Variants in FBXO34 observed in about 807,000 individuals in gnomAD.
FBXO34 encodes the protein F-box only protein 34.
In FBXO34, 12 loss-of-function variants were observed where a neutral mutation model predicts 24.5. The observed-to-expected ratio is 0.49, with a 90% CI of 0.31 to 0.79. The LOEUF (loss-of-function observed/expected upper bound fraction) is 0.79. Among genes scored for constraint, FBXO34 ranks in the 30% least tolerant of loss-of-function variants. The pLI, the probability that FBXO34 is intolerant of heterozygous loss-of-function variation, is 0.04. For synonymous variants in FBXO34, 320 were observed against 311.9 expected (o/e 1.03, Z -0.27); for missense variants, 823 against 857.7 (o/e 0.96, Z 0.51).
chr14:55,428,672 A>G, the FBXO34 span: 2 of 941,616 alleles, frequency 2.1e-6, no homozygotes, highest in Non-Finnish European at 3.1e-6. Flanking sequence ...ATAGCATCTT[A>G]ATCTTTTCAC....
At chr14:55,356,738 G>A (rs1464068099), downstream of FBXO34, among the ~76,000 whole-genome samples, 7 of 152,082 alleles carry the variant, frequency 4.6e-5, no homozygotes, top group East Asian at 3.9e-4. Flanking sequence ...GATTACAGGC[G>A]TGAGCCACCG....
Position 55,350,449 on chromosome 14 carries a change from G to A in FBXO34, c.59G>A (p.Arg20Lys). 6.2e-7 allele frequency: 1 copy of A among 1,610,472 alleles called. No individual in the cohort carries two copies. ...AAAGAGCACCCCCCGGAAGTCAGCA[G>A]GGAAACGCAGAGAACTCCTATGAAC... ...QKKEHPPEVSRETQRTPMNHQ... is the reference protein window; with the variant it reads ...QKKEHPPEVSKETQRTPMNHQ... The change falls in exon 2 of 2, where the codon AGG (arginine) becomes AAG (lysine). Residue 20 changes from arginine to lysine, a missense_variant. Physicochemically the swap from Arg to Lys is conservative, Grantham distance 26. This residue lies in a region of FBXO34 where 693 missense variants were observed against 659.1 expected (regional missense o/e 1.05). Coordinates refer to ENST00000313833, the MANE Select transcript of FBXO34 (RefSeq NM_017943.4).
At chr14:55,399,042 A>T in the FBXO34 span, among the ~76,000 whole-genome samples, 4 of 152,196 alleles carry the variant, frequency 2.6e-5, no homozygotes, top group Non-Finnish European at 4.4e-5. Flanking sequence ...CAGACCTAAA[A>T]ATATTCTGGA....
intron 1 of FBXO34, among the ~76,000 whole-genome samples, chr14:55,321,374 A>G (rs1282596300): frequency 1.3e-5 from 2 of 151,918 alleles, no homozygotes; most frequent in Non-Finnish European, 2.9e-5. Flanking sequence ...CAAAGTAGTT[A>G]CATATGACCT....
the FBXO34 span, chr14:55,428,893 A>C: frequency 3.1e-6 from 5 of 1,614,220 alleles, no homozygotes; most frequent in Non-Finnish European, 4.2e-6. Context: ...TCTGAATTTT[A>C]AAATCGAGGA....
the FBXO34 span, among the ~76,000 whole-genome samples, chr14:55,410,135 G>T: frequency 1.3e-5 from 2 of 152,286 alleles, no homozygotes; most frequent in Non-Finnish European, 2.9e-5. Flanking sequence ...GGGTTGGGAT[G>T]AGCATGGGAA....
intron 1 of FBXO34, among the ~76,000 whole-genome samples, chr14:55,288,148 T>A (rs1382503212): frequency 6.6e-6 from 1 of 152,228 alleles, no homozygotes; most frequent in Non-Finnish European, 1.5e-5. Flanking sequence ...AGAAGTTGCT[T>A]GTAATTGGTA....
intron 1 of FBXO34, chr14:55,299,202 C>T: frequency 7.2e-6 from 7 of 966,882 alleles, no homozygotes; most frequent in Non-Finnish European, 1.0e-5. Flanking sequence ...CTCTATAGCC[C>T]TACCATCAAA....
intron 1 of FBXO34, among the ~76,000 whole-genome samples, chr14:55,342,361 C>G (rs1884020298): frequency 6.6e-6 from 1 of 152,196 alleles, no homozygotes; most frequent in Admixed American, 6.5e-5. Context: ...TCGTTCGCCA[C>G]TAACCCTAAC....
At chr14:55,385,774 G>T in the FBXO34 span, 4 of 1,152,878 alleles carry the variant, frequency 3.5e-6, no homozygotes, top group South Asian at 1.5e-5. Context: ...CCTAGAATAA[G>T]ACCCAATAAA....
downstream of FBXO34, among the ~76,000 whole-genome samples, chr14:55,363,744 A>AT (rs1178927185): frequency 4.6e-5 from 7 of 151,986 alleles, no homozygotes; most frequent in Admixed American, 3.9e-4. Flanking sequence ...ACATCATGAG[A>AT]TTTTTTGCAA....
chr14:55,318,781 C>G (rs955382547), intron 1 of FBXO34, among the ~76,000 whole-genome samples: 9 of 152,106 alleles, frequency 5.9e-5, no homozygotes, highest in Non-Finnish European at 1.2e-4. Context: ...TCCATTGTCT[C>G]TAATTCTTCA....
chr14:55,289,009 C>T (rs1881853382), intron 1 of FBXO34, among the ~76,000 whole-genome samples: 1 of 152,110 alleles, frequency 6.6e-6, no homozygotes, highest in African/African-American at 2.4e-5. Flanking sequence ...TGAGATCAAG[C>T]TACTGCACTC....
chr14:55,395,654 G>A, the FBXO34 span, among the ~76,000 whole-genome samples: 2 of 152,160 alleles, frequency 1.3e-5, no homozygotes, highest in Non-Finnish European at 2.9e-5. Flanking sequence ...TTTGGAGTGT[G>A]TATGATAAAT....
In FBXO34 at chr14:55,352,770, C is replaced by G; in HGVS notation, c.*244C>G. 2.3e-6 allele frequency: 1 copy of G among 433,114 alleles called. No individual in the cohort carries two copies. The highest frequency in any genetic ancestry group is 4.2e-6 in the Non-Finnish European group (1 of 235,658). 26.8% of individuals were successfully genotyped at this position (433,114 alleles called of 1,614,324 possible). A position where few individuals can be genotyped will look rare whatever the true frequency, so the allele number is the denominator to read the frequency against. ...GTATCCCACAGTTGGATTCAGTTGG[C>G]TGTGAATAACTGCCTGTTTTCCTAA... On this transcript the variant is annotated 3_prime_UTR_variant, in exon 2 of 2. Coordinates refer to ENST00000313833, the MANE Select transcript of FBXO34 (RefSeq NM_017943.4).
chr14:55,412,346 TTA>T, the FBXO34 span, among the ~76,000 whole-genome samples: 1 of 152,306 alleles, frequency 6.6e-6, no homozygotes, highest in African/African-American at 2.4e-5. Flanking sequence ...ATGGATAGAA[TTA>T]TAGTACCCAT....
downstream of FBXO34, among the ~76,000 whole-genome samples, chr14:55,356,597 G>A (rs948698014): frequency 5.3e-5 from 8 of 151,490 alleles, no homozygotes; most frequent in African/African-American, 1.5e-4. Context: ...ACAGGCATGC[G>A]CCACCACGTG....
chr14:55,296,561 A>AT (rs1192133155), intron 1 of FBXO34, among the ~76,000 whole-genome samples: 4 of 150,726 alleles, frequency 2.7e-5, no homozygotes, highest in South Asian at 2.1e-4. Flanking sequence ...CACCCGGCTA[A>AT]TTTTTTTTGT....
At chr14:55,290,904 C>T (rs936776999) in intron 1 of FBXO34, among the ~76,000 whole-genome samples, 5 of 152,164 alleles carry the variant, frequency 3.3e-5, no homozygotes, top group African/African-American at 1.2e-4. Context: ...ACTGCAACTT[C>T]TGCCTCCGGA....
Sources: allele counts gnomAD v4.1 joint callset (sites outside exome capture counted in the v4.1 genomes callset), GRCh38; gene constraint gnomAD v4.1.1; regional missense constraint gnomAD v4.1.1; transcripts MANE v1.5; gene names NCBI Gene and HGNC (gene_info 2026-07-23, HGNC 2026-07-21).